The following IL1RAPL1 variants were observed in gnomAD, a reference collection of about 807,000 sequenced individuals.
IL1RAPL1 encodes the protein interleukin-1 receptor accessory protein-like 1.
In IL1RAPL1, 3 loss-of-function variants were observed where a neutral mutation model predicts 48.4. That is an observed-to-expected ratio of 0.06 (90% CI 0.03 to 0.16). IL1RAPL1 has a LOEUF of 0.16. Ranked by LOEUF, IL1RAPL1 falls within the 10% of genes least tolerant of loss-of-function variation. The pLI is 1.00. For synonymous variants in IL1RAPL1, 185 were observed against 187.7 expected, an observed-to-expected ratio of 0.99 and a Z score of 0.12; for missense variants, 349 against 530.6, an observed-to-expected ratio of 0.66 and a Z score of 3.36.
intron 6 of IL1RAPL1, among the ~76,000 whole-genome samples, chrX:29,853,737 A>T (rs749443426): frequency 2.7e-5 from 3 of 111,734 alleles, no homozygotes; most frequent in Non-Finnish European, 3.8e-5. Context: ...TCTATTCCTG[A>T]TGGTGTAAAA....
chrX:29,920,177 G>A lies in IL1RAPL1; in HGVS notation c.1057+83G>A, dbSNP rs1403469477. ...CATTGGGAACCAAGAAACAAATTTA[G>A]TTTTGTTTTTCTCCACAAAGTTCTC... On this transcript the variant is annotated intron_variant, in intron 8 of 10. Transcript: ENST00000378993. 2.7e-6 allele frequency: 3 copies of A among 1,113,559 alleles called. No individual in the cohort carries two copies. In the Admixed American group the frequency reaches 6.7e-5, roughly 25 times the overall value. The allele number at this position is 1,113,559 out of a possible 1,213,427, so 91.8% of individuals were successfully genotyped here.
chrX:29,516,401 C>T (rs1935445900), intron 5 of IL1RAPL1, among the ~76,000 whole-genome samples: 1 of 111,478 alleles, frequency 9.0e-6, no homozygotes, highest in Non-Finnish European at 1.9e-5. Context: ...AGTAGTACAT[C>T]ACCATATTGA....
intron 8 of IL1RAPL1, among the ~76,000 whole-genome samples, chrX:29,922,254 A>T (rs1170271047): frequency 8.9e-6 from 1 of 112,117 alleles, no homozygotes; most frequent in Non-Finnish European, 1.9e-5. Context: ...ATAAATGAAG[A>T]ATGAAGAAAA....
Position 29,001,660 on chromosome X carries a change from T to A in IL1RAPL1, c.82+212235T>A, listed in dbSNP as rs915254026. On this transcript the variant is annotated intron_variant, in intron 2 of 10. Transcript: ENST00000378993. The stretch of plus-strand genomic sequence containing the variant: ...GGAAAATAAGGTTAAATAAGTATAT[T>A]TTTTAAAGATTTGACCTTCTAAAAG... Among the ~76,000 whole-genome samples, 4 of 111,946 alleles carry A rather than the reference T, an allele frequency of 3.6e-5. No individual in the cohort carries two copies. The South Asian group carries it at 1.5e-3, about 41-fold the overall frequency.
chrX:29,455,859 T>A (rs750493798), intron 5 of IL1RAPL1, among the ~76,000 whole-genome samples: 16 of 111,252 alleles, frequency 1.4e-4, no homozygotes, highest in Non-Finnish European at 2.8e-4. Context: ...ACGTTAAAAT[T>A]GTTAGGGAAA....
chrX:28,827,686 T>TA (rs1478119528), intron 2 of IL1RAPL1, among the ~76,000 whole-genome samples: 1 of 111,963 alleles, frequency 8.9e-6, no homozygotes, highest in Non-Finnish European at 1.9e-5. Flanking sequence ...TATTTGTACT[T>TA]ACAGCAAAGA....
intron 5 of IL1RAPL1, among the ~76,000 whole-genome samples, chrX:29,662,132 C>G (rs191673067): frequency 2.5e-3 from 275 of 112,063 alleles, no homozygotes; most frequent in African/African-American, 8.2e-3. Flanking sequence ...CCTGCATTGG[C>G]CAGTGGCTAT....
chrX:29,494,055 C>T lies in IL1RAPL1; in HGVS notation c.703+94747C>T, dbSNP rs191744474. Among the ~76,000 whole-genome samples the T allele has an allele frequency of 3.3e-3, 365 of 110,119 alleles. 6 individuals carry two copies. The highest frequency in any genetic ancestry group is 0.011 in the African/African-American group (338 of 30,302). On this transcript the variant is annotated intron_variant, in intron 5 of 10. Coordinates refer to ENST00000378993, the MANE Select transcript of IL1RAPL1 (RefSeq NM_014271.4). Reference sequence around the variant, plus strand: ...GACTACAGGCACGCACCATCAGGCCCGGCTACTTTTTGTATTTTTTTTTTT... The same window carrying T: ...GACTACAGGCACGCACCATCAGGCCTGGCTACTTTTTGTATTTTTTTTTTT...
chrX:29,407,146 C>G (rs1225566636), intron 5 of IL1RAPL1, among the ~76,000 whole-genome samples: 1 of 111,406 alleles, frequency 9.0e-6, no homozygotes, highest in South Asian at 3.8e-4. Flanking sequence ...AGCTGCTTAG[C>G]ATGCTATCAA....
At chrX:29,146,458 T>G (rs929731557) in intron 2 of IL1RAPL1, among the ~76,000 whole-genome samples, 1 of 111,531 alleles carries the variant, frequency 9.0e-6, no homozygotes, top group African/African-American at 3.3e-5. Context: ...CTATAGTTTT[T>G]GCTTACTTGT....
At chrX:29,418,952 T>C (rs1416315282) in intron 5 of IL1RAPL1, among the ~76,000 whole-genome samples, 1 of 112,309 alleles carries the variant, frequency 8.9e-6, no homozygotes, top group African/African-American at 3.2e-5. Context: ...TAGTAAGAAA[T>C]AAAATTACAC....
chrX:29,293,952 A>G (rs977227976), intron 3 of IL1RAPL1, among the ~76,000 whole-genome samples: 2 of 111,150 alleles, frequency 1.8e-5, no homozygotes, highest in African/African-American at 6.5e-5. Context: ...TAAGGTAATC[A>G]CTTATTTGAG....
At chrX:29,918,923 A>ATGAT (rs1224772475) in intron 7 of IL1RAPL1, among the ~76,000 whole-genome samples, 10 of 112,498 alleles carry the variant, frequency 8.9e-5, no homozygotes, top group Non-Finnish European at 1.3e-4. Flanking sequence ...CATCAAAATG[A>ATGAT]TGATTACTTC....
intron 6 of IL1RAPL1, among the ~76,000 whole-genome samples, chrX:29,676,269 G>T (rs766028313): frequency 1.6e-4 from 18 of 112,142 alleles, no homozygotes; most frequent in Non-Finnish European, 2.8e-4. Flanking sequence ...GTCAATACAT[G>T]TTTGCTGTTA....
chrX:29,885,984 G>C (rs1932154676), intron 6 of IL1RAPL1, among the ~76,000 whole-genome samples: 1 of 112,002 alleles, frequency 8.9e-6, no homozygotes, highest in Non-Finnish European at 1.9e-5. Context: ...CATTTTAAAA[G>C]ATTGATTTTG....
At chrX:29,555,112 G>GC (rs773153652) in intron 5 of IL1RAPL1, among the ~76,000 whole-genome samples, 2 of 112,629 alleles carry the variant, frequency 1.8e-5, no homozygotes, top group South Asian at 7.3e-4. Flanking sequence ...TTCACAAACA[G>GC]CTTTTCCCAT....
At chrX:28,945,903 A>G (rs62587529) in intron 2 of IL1RAPL1, among the ~76,000 whole-genome samples, 2,876 of 97,572 alleles carry the variant, frequency 0.029, 87 homozygotes, top group African/African-American at 0.09. Flanking sequence ...ATATATATAT[A>G]TGTGTGTGTG....
At chrX:29,850,509 T>C (rs1331880198) in intron 6 of IL1RAPL1, among the ~76,000 whole-genome samples, 1 of 112,403 alleles carries the variant, frequency 8.9e-6, no homozygotes, top group Non-Finnish European at 1.9e-5. Flanking sequence ...GAACATGTGA[T>C]TCCCGGATGA....
At chrX:29,681,342 G>T (rs377013555) in intron 6 of IL1RAPL1, among the ~76,000 whole-genome samples, 1 of 112,313 alleles carries the variant, frequency 8.9e-6, no homozygotes, top group Admixed American at 9.4e-5. Context: ...AATATGATTT[G>T]TAATGTGTTT....
Sources: gnomAD v4.1 joint callset for allele counts (sites outside exome capture counted in the v4.1 genomes callset) on GRCh38, gnomAD v4.1.1 for gene constraint, MANE v1.5 for transcripts, NCBI Gene and HGNC (gene_info 2026-07-23, HGNC 2026-07-21) for gene names.